The following RS1 variants were observed in gnomAD, a reference collection of about 807,000 sequenced individuals.
The protein encoded by RS1 is retinoschisin 1.
Under a neutral mutation model 20.8 loss-of-function variants are expected in RS1, and 2 were observed. The ratio of observed to expected loss-of-function variants is 0.10; its 90% CI spans 0.04 to 0.30. The LOEUF is 0.30. Ranked by LOEUF, RS1 falls within the 10% of genes least tolerant of loss-of-function variation. RS1 has a pLI of 1.00. For missense variants in RS1, 151 were observed against 189.8 expected (o/e 0.80, Z 1.20); for synonymous variants, 70 against 75.8 (o/e 0.92, Z 0.40).
At chrX:18,646,403 C>G (rs749363784) in intron 4 of RS1, among the ~76,000 whole-genome samples, 2 of 112,412 alleles carry the variant, frequency 1.8e-5, no homozygotes, top group Non-Finnish European at 3.8e-5. Flanking sequence ...ATCTGCCCCC[C>G]CTCGGCCTCC....
rs377648180 is a variant in RS1, at chrX:18,641,857, TAAA to T, written c.*144_*146del. 1.5e-5 allele frequency: 7 copies of T among 451,677 alleles called. No individual in the cohort carries two copies. The highest frequency in any genetic ancestry group is 2.5e-5 in the Non-Finnish European group (7 of 284,730). 37.2% of individuals were successfully genotyped at this position (451,677 alleles called of 1,213,427 possible). A position where few individuals can be genotyped will look rare whatever the true frequency, so the allele number is the denominator to read the frequency against. ...TCATTGAAATCAGAAAGCTATATCT[TAAA>T]AAAAAAAAAATTATCTACCCAGCAC... On this transcript the variant is annotated 3_prime_UTR_variant, in exon 6 of 6. Coordinates refer to ENST00000379984, the MANE Select transcript of RS1 (RefSeq NM_000330.4).
At chrX:18,645,929 G>A in intron 4 of RS1, 3 of 1,202,510 alleles carry the variant, frequency 2.5e-6, no homozygotes, top group Non-Finnish European at 3.4e-6. Context: ...GGGCAGAAGT[G>A]GCCAATAGAA....
At chrX:18,655,560 C>G (rs1012634768) in intron 3 of RS1, among the ~76,000 whole-genome samples, 2 of 111,713 alleles carry the variant, frequency 1.8e-5, no homozygotes, top group Non-Finnish European at 3.8e-5. Context: ...ACTGGTCTAC[C>G]GTGGGTAGGC....
chrX:18,653,237 G>C (rs1928122736), intron 3 of RS1, among the ~76,000 whole-genome samples: 2 of 111,991 alleles, frequency 1.8e-5, no homozygotes, highest in Admixed American at 9.5e-5. Context: ...TTTGCTCTCA[G>C]AGTGCCGGGG....
chrX:18,652,397 A>G (rs772614162), intron 3 of RS1, among the ~76,000 whole-genome samples: 30 of 112,546 alleles, frequency 2.7e-4, no homozygotes, highest in African/African-American at 9.0e-4. Flanking sequence ...GGCTGGGTGC[A>G]GTGGCTCACG....
Position 18,644,644 on chromosome X carries a change from G to A in RS1, c.327-19C>T. The A allele has an allele frequency of 8.3e-7, 1 of 1,201,713 alleles. No individual in the cohort carries two copies. Among genetic ancestry groups the A allele is most frequent in the African/African-American group, 1.7e-5 (1 of 57,305 alleles). On this transcript the variant is annotated intron_variant, in intron 4 of 5. Transcript: ENST00000379984. Reference sequence around the variant, plus strand: ...GGCACACCTGCCGAGAACATACCGAGTCACCGAGAGACTCCCCCTGTGCAT... The same window carrying A: ...GGCACACCTGCCGAGAACATACCGAATCACCGAGAGACTCCCCCTGTGCAT...
chrX:18,650,322 G>A, intron 3 of RS1: 5 of 897,659 alleles, frequency 5.6e-6, no homozygotes, highest in Non-Finnish European at 8.2e-6. Flanking sequence ...CGCTCTCACT[G>A]TCACCTTGGC....
Position 18,641,296 on chromosome X carries a change from A to G in RS1, c.*708T>C, listed in dbSNP as rs1338938277. 8.8e-6 allele frequency: 1 copy of G among 113,046 alleles called. No individual in the cohort carries two copies. The highest frequency in any genetic ancestry group is 9.2e-5 in the Admixed American group (1 of 10,823). 9.3% of individuals were successfully genotyped at this position (113,046 alleles called of 1,213,427 possible). On this transcript the variant is annotated 3_prime_UTR_variant, in exon 6 of 6. Coordinates refer to ENST00000379984, the MANE Select transcript of RS1 (RefSeq NM_000330.4). Reference sequence around the variant, plus strand: ...GGAATTTGCTGGAATGGATTGCATAATGGAGCTGTGTGTATTGGGCGCTCT... The same window carrying G: ...GGAATTTGCTGGAATGGATTGCATAGTGGAGCTGTGTGTATTGGGCGCTCT...
At chrX:18,663,124 G>A (rs910623197) in intron 1 of RS1, among the ~76,000 whole-genome samples, 1 of 99,377 alleles carries the variant, frequency 1.0e-5, no homozygotes, top group African/African-American at 4.1e-5. Flanking sequence ...CAACAACTTC[G>A]GCCTCCTGGG....
At chrX:18,650,660 A>G in intron 3 of RS1, 1 of 1,110,762 alleles carries the variant, frequency 9.0e-7, no homozygotes, top group Non-Finnish European at 1.2e-6. Context: ...GAGGAGCTGT[A>G]GAAATGCAGA....
chrX:18,657,217 C>CTTTTTT (rs749358875), intron 2 of RS1, among the ~76,000 whole-genome samples: 1,276 of 65,062 alleles, frequency 0.02, 181 homozygotes, highest in African/African-American at 0.074. Context: ...AAAAAAAATA[C>CTTTTTT]TTTTTTTTTT....
chrX:18,647,085 T>G, intron 4 of RS1, 106 bp downstream of exon 4: 1 of 953,067 alleles, frequency 1.0e-6, no homozygotes, highest in Non-Finnish European at 1.5e-6. Context: ...CCAGTTAATT[T>G]TTTGTATTTT....
intron 1 of RS1, among the ~76,000 whole-genome samples, chrX:18,664,134 T>C (rs1928364757): frequency 8.9e-6 from 1 of 112,312 alleles, no homozygotes; most frequent in African/African-American, 3.2e-5. Context: ...GCGGCAGTAT[T>C]TGTAATACCC....
At chrX:18,648,116 C>A (rs752023192) in intron 3 of RS1, among the ~76,000 whole-genome samples, 1 of 111,092 alleles carries the variant, frequency 9.0e-6, no homozygotes, top group Non-Finnish European at 1.9e-5. Context: ...GCAGGAGAAT[C>A]GCTTGAACCC....
chrX:18,648,959 G>A (rs1436439936), intron 3 of RS1, among the ~76,000 whole-genome samples: 2 of 106,423 alleles, frequency 1.9e-5, no homozygotes, highest in African/African-American at 3.4e-5. Context: ...GAGGGAGGAG[G>A]ATTGCTTGAG....
chrX:18,653,639 T>G, intron 3 of RS1: 2 of 1,078,976 alleles, frequency 1.9e-6, no homozygotes, highest in Admixed American at 2.6e-5. Context: ...ACGCTGAGGT[T>G]GAGTTTTCCT....
At chrX:18,655,817 T>C (rs2147202663) in intron 3 of RS1, among the ~76,000 whole-genome samples, 1 of 110,055 alleles carries the variant, frequency 9.1e-6, no homozygotes, top group Non-Finnish European at 1.9e-5. Flanking sequence ...TATCCAGGCA[T>C]GGTGCTATCA....
At chrX:18,667,070 C>T (rs1928417284) in intron 1 of RS1, among the ~76,000 whole-genome samples, 1 of 111,427 alleles carries the variant, frequency 9.0e-6, no homozygotes. Context: ...GCGGAGTTAA[C>T]GACTACATGA....
intron 3 of RS1, among the ~76,000 whole-genome samples, chrX:18,649,056 A>G (rs768005671): frequency 1.0e-4 from 11 of 109,230 alleles, no homozygotes; most frequent in South Asian, 8.0e-4. Context: ...AAAAAAAAAA[A>G]AAAGAAAACT....
Sources: gnomAD v4.1 joint callset for allele counts (sites outside exome capture counted in the v4.1 genomes callset) on GRCh38, gnomAD v4.1.1 for gene constraint, MANE v1.5 for transcripts, NCBI Gene and HGNC (gene_info 2026-07-23, HGNC 2026-07-21) for gene names.